Variants in ARHGEF18 observed in about 807,000 individuals in gnomAD.
ARHGEF18 encodes rho guanine nucleotide exchange factor 18.
In ARHGEF18, 93 loss-of-function variants were observed where a neutral mutation model predicts 155.7. The observed-to-expected ratio is 0.60, with a 90% CI of 0.50 to 0.71. The LOEUF (loss-of-function observed/expected upper bound fraction) is 0.71, where lower values mean the gene tolerates loss of function less well. ARHGEF18 is among the 30% of genes least tolerant of loss of function. The pLI is 0.00. For missense variants in ARHGEF18, 1,593 were observed against 1,816.1 expected (o/e 0.88, Z 2.23); for synonymous variants, 742 against 753.1 (o/e 0.99, Z 0.24).
rs577376804 is a variant in ARHGEF18, at chr19:7,424,115, C to T, written c.968-16229C>T. Among the ~76,000 whole-genome samples, 12 of 152,178 alleles carry T rather than the reference C, an allele frequency of 7.9e-5. No homozygotes were observed. In the East Asian group the frequency reaches 2.3e-3, roughly 29 times the overall value. ...GATCTCGGCTGACCGCAACCTCCAC[C>T]TCCCGGGTTCAAGCGATTCTCCTGC... On this transcript the variant is annotated intron_variant, in intron 10 of 28. Transcript: ENST00000668164.
At chr19:7,385,833 A>ATCTCTCTCTCTCTCTCTCTCTCTCTC (rs762196307) in intron 10 of ARHGEF18, among the ~76,000 whole-genome samples, 2 of 51,958 alleles carry the variant, frequency 3.8e-5, no homozygotes, top group South Asian at 9.7e-4. Flanking sequence ...ATCTCTCTCT[A>ATCTCTCTCTCTCTCTCTCTCTCTCTC]TCTCTCTCTC....
chr19:7,381,434 T>C (rs1397030254), intron 8 of ARHGEF18, among the ~76,000 whole-genome samples: 1 of 151,916 alleles, frequency 6.6e-6, no homozygotes, highest in Non-Finnish European at 1.5e-5. Flanking sequence ...TCCCAGCACT[T>C]TGGGAGGCCG....
At chr19:7,412,814 G>A (rs1444452042) in intron 10 of ARHGEF18, among the ~76,000 whole-genome samples, 1 of 151,888 alleles carries the variant, frequency 6.6e-6, no homozygotes, top group Non-Finnish European at 1.5e-5. Flanking sequence ...TTTGCTTTGC[G>A]TTTCCCTGGT....
chr19:7,372,697 A>T, intron 2 of ARHGEF18, 115 bp from the exon 3 acceptor site: 1 of 1,073,452 alleles, frequency 9.3e-7, no homozygotes, highest in Non-Finnish European at 1.2e-6. Context: ...AGGGACAGGT[A>T]GGGGACAGGC....
At chr19:7,358,271 T>A (rs12982822) in intron 1 of ARHGEF18, among the ~76,000 whole-genome samples, 116 of 133,448 alleles carry the variant, frequency 8.7e-4, no homozygotes, top group African/African-American at 3.3e-3. Flanking sequence ...CCATCCATTC[T>A]TCCATCCATC....
chr19:7,353,985 A>G lies in ARHGEF18; in HGVS notation c.-111+4744A>G, dbSNP rs150470479. ...AAAAAAAAAAAAGAAAGAAAGAAAA[A>G]GAAAAGAAATAGATATCCCTGTTGT... On this transcript the variant is annotated intron_variant, in intron 1 of 28. Transcript: ENST00000668164. 4.2e-3 allele frequency among the ~76,000 whole-genome samples: 638 copies of G among 151,622 alleles called. 25 individuals carry two copies. The East Asian group carries it at 0.1, about 24-fold the overall frequency.
Sources: gnomAD v4.1 joint callset for allele counts (sites outside exome capture counted in the v4.1 genomes callset) on GRCh38, gnomAD v4.1.1 for gene constraint, MANE v1.5 for transcripts, NCBI Gene and HGNC (gene_info 2026-07-23, HGNC 2026-07-21) for gene names.